The following LZTFL1 variants were observed in gnomAD, a reference collection of about 807,000 sequenced individuals.
LZTFL1 encodes leucine zipper transcription factor-like protein 1.
A neutral mutation model predicts 45.9 loss-of-function variants in LZTFL1; 25 were observed. The observed-to-expected ratio is 0.54, with a 90% confidence interval of 0.40 to 0.76. The LOEUF (loss-of-function observed/expected upper bound fraction) is 0.76, where lower values mean the gene tolerates loss of function less well. Among genes scored for constraint, LZTFL1 ranks in the 30% least tolerant of loss-of-function variants. The pLI, the probability that LZTFL1 is intolerant of heterozygous loss-of-function variation, is 0.00. For missense variants in LZTFL1, 277 were observed against 331.1 expected (o/e 0.84, Z 1.27); for synonymous variants, 93 against 117.4 (o/e 0.79, Z 1.35).
intron 2 of LZTFL1, among the ~76,000 whole-genome samples, chr3:45,867,309 G>A (rs964529454): frequency 7.2e-5 from 11 of 152,064 alleles, no homozygotes; most frequent in African/African-American, 2.4e-4. Context: ...AAAATATGGT[G>A]TAAAAACTGC....
chr3:45,901,493 C>A lies in LZTFL1; in HGVS notation c.-215+11627G>T. ...TCGTGGTCATGGCTTGCTGCTATAC[C>A]ATCATCATTCACACCCTGATACAAG... On this transcript the variant is annotated intron_variant, in intron 2 of 4. Transcript: ENST00000472635. The surrounding 1 kb of genome is among the most constrained non-coding windows in gnomAD (Gnocchi z 4.3). 6.2e-7 allele frequency: 1 copy of A among 1,614,144 alleles called. No individual in the cohort carries two copies. Among genetic ancestry groups the A allele is most frequent in the Non-Finnish European group, 8.5e-7 (1 of 1,180,014 alleles).
chr3:45,856,378 A>G (rs948886897), intron 3 of LZTFL1, among the ~76,000 whole-genome samples: 4 of 152,232 alleles, frequency 2.6e-5, no homozygotes, highest in African/African-American at 9.6e-5. Flanking sequence ...TTATACAAAA[A>G]TTAACTCAAG....
chr3:45,898,720 A>C (rs1702449517), intron 2 of LZTFL1, among the ~76,000 whole-genome samples: 1 of 152,246 alleles, frequency 6.6e-6, no homozygotes, highest in African/African-American at 2.4e-5. Context: ...TTTATCAATC[A>C]ATTCAGTGAG....
Position 45,828,539 on chromosome 3 carries a change from A to G in LZTFL1, c.677T>C (p.Leu226Pro). The change falls in exon 8 of 10, where the codon CTT becomes CCT. Residue 226 changes from leucine to proline, a missense_variant. Leu to Pro is a moderately conservative substitution (Grantham distance 98). Transcript: ENST00000296135. The part of the protein sequence containing the change: ...AALKSEFQKT[L>P]NDKTENQKSL... ...CTTCTGGTTTTCTGTCTTGTCATTA[A>G]GTGTCTTCTGAAACTCACTCTTTAA... The G allele has an allele frequency of 6.2e-7, 1 of 1,614,144 alleles. No homozygotes were observed. Among genetic ancestry groups the G allele is most frequent in the East Asian group, 2.2e-5 (1 of 44,888 alleles).
intron 2 of LZTFL1, among the ~76,000 whole-genome samples, chr3:45,882,115 G>T (rs1485668077): frequency 6.6e-6 from 1 of 152,156 alleles, no homozygotes; most frequent in Non-Finnish European, 1.5e-5. Flanking sequence ...AGATCCTCAA[G>T]ACTTATATCA....
intron 4 of LZTFL1, among the ~76,000 whole-genome samples, chr3:45,849,597 G>T (rs1456751699): frequency 6.6e-6 from 1 of 152,196 alleles, no homozygotes; most frequent in Non-Finnish European, 1.5e-5. Context: ...ATTGGAGAAT[G>T]TCTTTCTAGG....
chr3:45,899,656 ATGGGAGCCC>A (rs1321301428), intron 2 of LZTFL1, among the ~76,000 whole-genome samples: 6 of 152,124 alleles, frequency 3.9e-5, no homozygotes, highest in Admixed American at 3.9e-4. Context: ...GGGAGTCCTA[ATGGGAGCCC>A]TCAGAAGGAA....
chr3:45,834,727 A>G (rs79464336), intron 3 of LZTFL1: 10 of 154,638 alleles, frequency 6.5e-5, no homozygotes, highest in African/African-American at 2.4e-4. Flanking sequence ...ACTGAAAAAG[A>G]GTACCACAAA....
intron 3 of LZTFL1, among the ~76,000 whole-genome samples, chr3:45,857,509 T>C (rs572497846): frequency 7.4e-4 from 113 of 152,170 alleles, no homozygotes; most frequent in Non-Finnish European, 1.3e-3. Flanking sequence ...CCCAGGACTT[T>C]GAATTAAATT....
chr3:45,869,451 G>A (rs773967954), intron 2 of LZTFL1, among the ~76,000 whole-genome samples: 3 of 152,150 alleles, frequency 2.0e-5, no homozygotes, highest in Admixed American at 1.3e-4. Flanking sequence ...TAGAAAACAC[G>A]GTTAACGTTT....
intron 2 of LZTFL1, among the ~76,000 whole-genome samples, chr3:45,880,941 A>T (rs553446145): frequency 6.6e-6 from 1 of 152,336 alleles, no homozygotes; most frequent in South Asian, 2.1e-4. Context: ...ACCTCTTAGA[A>T]CAGTGACAGC....
Position 45,838,066 on chromosome 3 carries a change from G to A in LZTFL1, c.4-15C>T. On this transcript the variant is annotated splice_polypyrimidine_tract_variant and intron_variant, in intron 1 of 9. Transcript: ENST00000296135. ...CCCAACTCTGCCTGAAAAAGAAAGA[G>A]GTAATTTAATTGTTAGTTTTGAAGA... The A allele has an allele frequency of 6.3e-7, 1 of 1,579,362 alleles. No homozygotes were observed. Among genetic ancestry groups the A allele is most frequent in the South Asian group, 1.2e-5 (1 of 84,950 alleles).
At chr3:45,827,582 A>G (rs1043888950) in intron 8 of LZTFL1, 123 bp from the exon 9 acceptor site, 2 of 635,140 alleles carry the variant, frequency 3.1e-6, no homozygotes. Context: ...ATGATTTTCT[A>G]ATTTCCTTAA....
chr3:45,842,953 A>G (rs554445762), upstream of LZTFL1, among the ~76,000 whole-genome samples: 74 of 152,336 alleles, frequency 4.9e-4, no homozygotes, highest in East Asian at 4.6e-3. Flanking sequence ...CTTCACTCAC[A>G]TGATACAGAG....
At chr3:45,883,743 G>A (rs1294426604) in intron 2 of LZTFL1, 3 of 556,240 alleles carry the variant, frequency 5.4e-6, no homozygotes, top group Non-Finnish European at 9.9e-6. Flanking sequence ...GCCTGCCTTG[G>A]CAGCTTTCTG....
chr3:45,847,462 T>TA (rs1382522908), intron 4 of LZTFL1, among the ~76,000 whole-genome samples: 3 of 152,174 alleles, frequency 2.0e-5, no homozygotes, highest in Admixed American at 6.5e-5. Flanking sequence ...GAGGCTGAAT[T>TA]ATAGACATTG....
rs551519522 is a variant in LZTFL1, at chr3:45,891,980, G to A, written c.-215+21140C>T. 2.0e-5 allele frequency among the ~76,000 whole-genome samples: 3 copies of A among 152,214 alleles called. No homozygotes were observed. In the South Asian group the frequency reaches 6.2e-4, roughly 32 times the overall value. On this transcript the variant is annotated intron_variant, in intron 2 of 4. Coordinates refer to the LZTFL1 transcript ENST00000472635. Reference sequence around the variant, plus strand: ...TGGTTTGCTTCCATGTTGGTGGTATGGGGTTTGAAGACCAACTTAGCTGGT... The same window carrying A: ...TGGTTTGCTTCCATGTTGGTGGTATAGGGTTTGAAGACCAACTTAGCTGGT...
At chr3:45,890,269 AACATATATATATAT>A (rs1702110736) in intron 2 of LZTFL1, among the ~76,000 whole-genome samples, 1 of 10,420 alleles carries the variant, frequency 9.6e-5, no homozygotes, top group African/African-American at 4.4e-4. Flanking sequence ...ATATATATAT[AACATATATATATAT>A]TTATATAAAT....
chr3:45,877,416 T>A (rs1272055774), intron 2 of LZTFL1, among the ~76,000 whole-genome samples: 1 of 151,852 alleles, frequency 6.6e-6, no homozygotes, highest in Non-Finnish European at 1.5e-5. Flanking sequence ...GCATTTTTAG[T>A]AGAGATGGGA....
Sources: allele counts gnomAD v4.1 joint callset (sites outside exome capture counted in the v4.1 genomes callset), GRCh38; gene constraint gnomAD v4.1.1; non-coding constraint Gnocchi (gnomAD v3.1); transcripts MANE v1.5; gene names NCBI Gene and HGNC (gene_info 2026-07-23, HGNC 2026-07-21).